The following AP3B1 variants were observed in gnomAD, a reference collection of about 807,000 sequenced individuals.
AP3B1 encodes adaptor related protein complex 3 subunit beta 1, also known as AP-3 complex subunit beta-1.
Under a neutral mutation model 132.5 loss-of-function variants are expected in AP3B1, and 61 were observed. That is an observed-to-expected ratio of 0.46 (90% confidence interval 0.37 to 0.57). AP3B1 has a LOEUF of 0.57. Among genes scored for constraint, AP3B1 ranks in the 20% least tolerant of loss-of-function variants. AP3B1 has a pLI of 0.00. For synonymous variants in AP3B1, 388 were observed against 438.3 expected, an observed-to-expected ratio of 0.89 and a Z score of 1.43; for missense variants, 1,120 against 1,289.4, an observed-to-expected ratio of 0.87 and a Z score of 2.01.
At chr5:78,035,073 T>C (rs1747747808) in intron 23 of AP3B1, among the ~76,000 whole-genome samples, 1 of 151,924 alleles carries the variant, frequency 6.6e-6, no homozygotes, top group African/African-American at 2.4e-5. Context: ...AAAATGACAT[T>C]TGATAGATTT....
intron 21 of AP3B1, among the ~76,000 whole-genome samples, chr5:78,095,277 G>C (rs747558456): frequency 2.0e-4 from 31 of 152,192 alleles, no homozygotes; most frequent in Non-Finnish European, 3.1e-4. Flanking sequence ...AGTCTTCCTG[G>C]TATGCACTGT....
chr5:78,263,593 T>C (rs1221099936), intron 2 of AP3B1, among the ~76,000 whole-genome samples: 1 of 152,246 alleles, frequency 6.6e-6, no homozygotes, highest in East Asian at 1.9e-4. Flanking sequence ...AAGATTTCAG[T>C]CTTTCACTAC....
Position 78,116,122 on chromosome 5 carries a change from C to A in AP3B1, c.2077+4G>T. ...AATATATGCCAATAAATTATAAAAC[C>A]CACCACTGTCACTGCTACTATCAGA... On this transcript the variant is annotated splice_donor_region_variant and intron_variant, in intron 18 of 26. Coordinates refer to ENST00000255194, the MANE Select transcript of AP3B1 (RefSeq NM_003664.5). 1 of 1,599,042 alleles carries A rather than the reference C, an allele frequency of 6.3e-7. No individual in the cohort carries two copies. Among genetic ancestry groups the A allele is most frequent in the Non-Finnish European group, 8.6e-7 (1 of 1,166,562 alleles).
intron 15 of AP3B1, among the ~76,000 whole-genome samples, chr5:78,139,242 T>C (rs1285558042): frequency 6.6e-6 from 1 of 152,084 alleles, no homozygotes; most frequent in Non-Finnish European, 1.5e-5. Flanking sequence ...TTAACAATAA[T>C]CCATAAGCTA....
At chr5:78,175,128 G>A (rs539119877) in intron 11 of AP3B1, among the ~76,000 whole-genome samples, 4 of 152,330 alleles carry the variant, frequency 2.6e-5, no homozygotes, top group African/African-American at 4.8e-5. Flanking sequence ...AGTCTGTCCC[G>A]GCTTCCCGTG....
intron 17 of AP3B1, among the ~76,000 whole-genome samples, chr5:78,117,763 T>C (rs887856360): frequency 1.3e-5 from 2 of 152,248 alleles, no homozygotes; most frequent in African/African-American, 4.8e-5. Flanking sequence ...CATTTACTAA[T>C]ATGAGCCCCT....
At chr5:78,196,214 G>A (rs1204680034) in intron 7 of AP3B1, among the ~76,000 whole-genome samples, 1 of 152,052 alleles carries the variant, frequency 6.6e-6, no homozygotes, top group African/African-American at 2.4e-5. Context: ...ATGGGCTGAA[G>A]ACCTGAAGAG....
chr5:78,277,355 T>C (rs1196937751), intron 1 of AP3B1, among the ~76,000 whole-genome samples: 1 of 151,586 alleles, frequency 6.6e-6, no homozygotes, highest in African/African-American at 2.4e-5. Flanking sequence ...AAACAAGGAA[T>C]TGGTGGGAGG....
At chr5:78,205,050 G>A (rs1271253999) in intron 7 of AP3B1, among the ~76,000 whole-genome samples, 2 of 152,064 alleles carry the variant, frequency 1.3e-5, no homozygotes, top group African/African-American at 4.8e-5. Context: ...GGAAAATATG[G>A]ATTAGAAACA....
intron 21 of AP3B1, among the ~76,000 whole-genome samples, chr5:78,099,785 A>C (rs1178943257): frequency 2.0e-5 from 3 of 151,908 alleles, no homozygotes; most frequent in Non-Finnish European, 4.4e-5. Flanking sequence ...GCTACTCAGG[A>C]GGCTGAGGCA....
chr5:78,254,848 A>G (rs1235432116), intron 2 of AP3B1, among the ~76,000 whole-genome samples: 1 of 152,192 alleles, frequency 6.6e-6, no homozygotes, highest in Non-Finnish European at 1.5e-5. Flanking sequence ...TCCTGAGTAG[A>G]AAAACTAAAT....
Position 78,253,113 on chromosome 5 carries a change from G to A in AP3B1, c.205-12177C>T, listed in dbSNP as rs576685508. On this transcript the variant is annotated intron_variant, in intron 2 of 26. Coordinates refer to ENST00000255194, the MANE Select transcript of AP3B1 (RefSeq NM_003664.5). ...TAATCCAGATAATTCTCCTAGATCTGTTCTAAGACCATCTAGGCAGTACCT... is the reference window on the plus strand; with the variant it reads ...TAATCCAGATAATTCTCCTAGATCTATTCTAAGACCATCTAGGCAGTACCT... Among the ~76,000 whole-genome samples, 23 of 152,258 alleles carry A rather than the reference G, an allele frequency of 1.5e-4. No homozygotes were observed. In the South Asian group the frequency reaches 4.6e-3, roughly 30 times the overall value.
chr5:78,121,387 A>T (rs1446789564), intron 17 of AP3B1, among the ~76,000 whole-genome samples: 1 of 152,246 alleles, frequency 6.6e-6, no homozygotes, highest in Non-Finnish European at 1.5e-5. Context: ...ACCCTTCAAA[A>T]AAATCAATGA....
rs1751345949 is a variant in AP3B1 at position 78,106,503 on chromosome 5, G to A, written c.2397+3704C>T. Among the ~76,000 whole-genome samples, 4 of 151,918 alleles carry A rather than the reference G, an allele frequency of 2.6e-5. No individual in the cohort carries two copies. The South Asian group carries it at 8.3e-4, about 32-fold the overall frequency. On this transcript the variant is annotated intron_variant, in intron 20 of 26. Transcript: ENST00000255194. The stretch of plus-strand genomic sequence containing the variant: ...GAAAGAAAGAACACAAGGTGGGTAG[G>A]GTTAAGACAAGGTAGGTTTGGGCAA...
Position 78,171,648 on chromosome 5 carries a change from T to TG in AP3B1, c.1167+3977dup, listed in dbSNP as rs559330112. Among the ~76,000 whole-genome samples, 14 of 152,306 alleles carry TG rather than the reference T, an allele frequency of 9.2e-5. No individual in the cohort carries two copies. The East Asian group carries it at 2.7e-3, about 29-fold the overall frequency. On this transcript the variant is annotated intron_variant, in intron 11 of 26. Coordinates refer to ENST00000255194, the MANE Select transcript of AP3B1 (RefSeq NM_003664.5). ...TTAAGGAGATTTTGGGCTGAGACGA[T>TG]GGGGTTTTCTAAATGTACAATCATG... is the stretch of plus-strand genomic sequence containing the variant.
intron 1 of AP3B1, among the ~76,000 whole-genome samples, chr5:78,292,615 A>G (rs1260812742): frequency 6.6e-6 from 1 of 152,000 alleles, no homozygotes; most frequent in Non-Finnish European, 1.5e-5. Context: ...AGTACCTGGT[A>G]ATAACCTGCA....
intron 2 of AP3B1, among the ~76,000 whole-genome samples, chr5:78,254,755 T>C (rs1273786357): frequency 6.6e-5 from 10 of 152,092 alleles, no homozygotes; most frequent in Non-Finnish European, 2.9e-5. Flanking sequence ...CACCTGAAGG[T>C]ACAAAACTAA....
At chr5:78,031,169 G>T (rs1425628626) in intron 24 of AP3B1, among the ~76,000 whole-genome samples, 1 of 152,100 alleles carries the variant, frequency 6.6e-6, no homozygotes, top group African/African-American at 2.4e-5. Context: ...GTATTCAGCT[G>T]TGTCCATTCC....
At chr5:78,062,584 A>C (rs921278607) in intron 22 of AP3B1, among the ~76,000 whole-genome samples, 1 of 152,206 alleles carries the variant, frequency 6.6e-6, no homozygotes, top group Non-Finnish European at 1.5e-5. Flanking sequence ...TCCGTATAGC[A>C]GTGAATTTAG....
Sources: allele counts gnomAD v4.1 joint callset (sites outside exome capture counted in the v4.1 genomes callset), GRCh38; gene constraint gnomAD v4.1.1; transcripts MANE v1.5; gene names NCBI Gene and HGNC (gene_info 2026-07-23, HGNC 2026-07-21).